Variants in EMC2 observed in about 807,000 individuals in gnomAD.
EMC2 encodes the protein ER membrane protein complex subunit 2.
In EMC2, 37 loss-of-function variants were observed where a neutral mutation model predicts 51.6. That is an observed-to-expected ratio of 0.72 (90% CI 0.55 to 0.94). EMC2 has a LOEUF of 0.94. Ranked by LOEUF, EMC2 falls within the 40% of genes least tolerant of loss-of-function variation. The pLI is 0.00. For synonymous variants in EMC2, 131 were observed against 112.4 expected (o/e 1.17, Z -1.04); for missense variants, 359 against 350.9 (o/e 1.02, Z -0.18).
chr8:108,481,136 T>C (rs1435059227), intron 10 of EMC2, among the ~76,000 whole-genome samples: 1 of 152,152 alleles, frequency 6.6e-6, no homozygotes, highest in Non-Finnish European at 1.5e-5. Context: ...ACCTAGTTTT[T>C]TTGAAAATGT....
chr8:108,450,412 C>T lies in EMC2; in HGVS notation c.155-16C>T. 1.3e-6 allele frequency: 2 copies of T among 1,533,906 alleles called. No homozygotes were observed. The highest frequency in any genetic ancestry group is 1.1e-5 in the South Asian group (1 of 88,316). On this transcript the variant is annotated splice_polypyrimidine_tract_variant and intron_variant, in intron 2 of 10. Coordinates refer to ENST00000220853, the MANE Select transcript of EMC2 (RefSeq NM_014673.5). ...AATATTAAATTCAGTTTTTTTCCCC[C>T]TTTATGTGTATCTAGTTTGGATCAT... is the stretch of plus-strand genomic sequence containing the variant.
chr8:108,445,788 G>T (rs574684265), intron 1 of EMC2, among the ~76,000 whole-genome samples: 4 of 152,308 alleles, frequency 2.6e-5, no homozygotes, highest in African/African-American at 7.2e-5. Flanking sequence ...ACACATGGGG[G>T]CGGAGCTCAG....
At chr8:108,447,432 A>C (rs1818904119) in intron 1 of EMC2, among the ~76,000 whole-genome samples, 1 of 152,198 alleles carries the variant, frequency 6.6e-6, no homozygotes, top group South Asian at 2.1e-4. Context: ...GGGACCATGA[A>C]TAATTTAAAA....
chr8:108,486,645 A>G lies in EMC2; in HGVS notation c.*47A>G. ...TTAGATTTCACAACTGCACAATTGAACTTATTGGCCTGTAACTTATTTACT... is the reference window on the plus strand; with the variant it reads ...TTAGATTTCACAACTGCACAATTGAGCTTATTGGCCTGTAACTTATTTACT... On this transcript the variant is annotated 3_prime_UTR_variant, in exon 11 of 11. Transcript: ENST00000220853. The G allele has an allele frequency of 6.5e-7, 1 of 1,540,890 alleles. No individual in the cohort carries two copies. The highest frequency in any genetic ancestry group is 8.8e-7 in the Non-Finnish European group (1 of 1,142,740).
chr8:108,470,271 G>T, intron 7 of EMC2, 150 bp downstream of exon 7: 1 of 603,628 alleles, frequency 1.7e-6, no homozygotes, highest in South Asian at 2.1e-5. Context: ...AAATGAAAAA[G>T]AACAAATCAG....
chr8:108,473,605 A>G (rs1336467428), intron 7 of EMC2, among the ~76,000 whole-genome samples: 1 of 152,058 alleles, frequency 6.6e-6, no homozygotes, highest in African/African-American at 2.4e-5. Flanking sequence ...AACAGTTAGT[A>G]TTATACATTA....
intron 5 of EMC2, among the ~76,000 whole-genome samples, chr8:108,467,655 C>T (rs1368447810): frequency 1.3e-5 from 2 of 152,202 alleles, no homozygotes; most frequent in Admixed American, 6.5e-5. Context: ...GATCTTCCCA[C>T]CTCAGCCTCC....
At chr8:108,452,069 A>G (rs938668370) in intron 3 of EMC2, among the ~76,000 whole-genome samples, 13 of 152,340 alleles carry the variant, frequency 8.5e-5, no homozygotes, top group Middle Eastern at 3.4e-3. Flanking sequence ...TCAGTGGACT[A>G]TTTGTATCAT....
intron 10 of EMC2, among the ~76,000 whole-genome samples, chr8:108,482,043 A>G (rs1458859996): frequency 6.6e-6 from 1 of 152,166 alleles, no homozygotes; most frequent in African/African-American, 2.4e-5. Context: ...TTGAGTGAAA[A>G]TATGGGTCAT....
At chr8:108,467,183 T>C (rs1810739098) in intron 5 of EMC2, among the ~76,000 whole-genome samples, 1 of 152,210 alleles carries the variant, frequency 6.6e-6, no homozygotes, top group South Asian at 2.1e-4. Flanking sequence ...TGTCCAGTAC[T>C]GTTTGGTATG....
At chr8:108,469,363 G>C (rs1295042248) in intron 5 of EMC2, among the ~76,000 whole-genome samples, 1 of 152,030 alleles carries the variant, frequency 6.6e-6, no homozygotes, top group Non-Finnish European at 1.5e-5. Flanking sequence ...AAGACTCATA[G>C]GTAGATTTTC....
At chr8:108,472,224 C>T (rs991462357) in intron 7 of EMC2, among the ~76,000 whole-genome samples, 1 of 151,608 alleles carries the variant, frequency 6.6e-6, no homozygotes. Context: ...GCATGTATTT[C>T]TAATATTTAT....
chr8:108,468,096 C>A (rs1039290445), intron 5 of EMC2, among the ~76,000 whole-genome samples: 2 of 152,082 alleles, frequency 1.3e-5, no homozygotes, highest in Non-Finnish European at 2.9e-5. Flanking sequence ...GAAGTAATGT[C>A]ATGAAAAATG....
rs558873381 is a variant in EMC2 at position 108,488,414 on chromosome 8, C to T, written c.*1816C>T. Among the ~76,000 whole-genome samples, 24 of 152,288 alleles carry T rather than the reference C, an allele frequency of 1.6e-4. No individual in the cohort carries two copies. The highest frequency in any genetic ancestry group is 4.1e-4 in the African/African-American group (17 of 41,572). ...GCCTCAAGTGATCTACCCGCCTCAG[C>T]CTCCCGAAATGCTGGGATTACAGGC... On this transcript the variant is annotated 3_prime_UTR_variant, in exon 11 of 11. Transcript: ENST00000220853.
intron 5 of EMC2, chr8:108,464,056 G>A (rs1157916406): frequency 6.6e-6 from 1 of 152,142 alleles, no homozygotes; most frequent in African/African-American, 2.4e-5. Flanking sequence ...TGTAGCAGGG[G>A]CCAGACTGTG....
chr8:108,467,918 T>C (rs1298852610), intron 5 of EMC2, among the ~76,000 whole-genome samples: 1 of 152,238 alleles, frequency 6.6e-6, no homozygotes, highest in Non-Finnish European at 1.5e-5. Context: ...ATAACATTTA[T>C]TTAATATTAT....
In EMC2 at chr8:108,443,689, A is replaced by G; in HGVS notation, c.31A>G (p.Thr11Ala). The G allele has an allele frequency of 6.2e-7, 1 of 1,610,090 alleles. No homozygotes were observed. Among genetic ancestry groups the G allele is most frequent in the African/African-American group, 1.3e-5 (1 of 74,972 alleles). MAKVSELYDV[T>A]WEEMRDKMRK... Reference sequence around the variant, plus strand: ...GAAGGTCTCAGAGCTTTACGATGTCACTTGGGAAGGTAACTTCGGGTGGGG... The same window carrying G: ...GAAGGTCTCAGAGCTTTACGATGTCGCTTGGGAAGGTAACTTCGGGTGGGG... Residue 11 changes from threonine to alanine, a missense_variant, in exon 1 of 11, where the codon ACT becomes GCT. Thr to Ala is a moderately conservative substitution (Grantham distance 58, BLOSUM62 0). Transcript: ENST00000220853.
rs1253282201 is a variant in EMC2, at chr8:108,454,382, AT to A, written c.305+1241del. Among the ~76,000 whole-genome samples the A allele has an allele frequency of 3.3e-5, 5 of 151,886 alleles. No individual in the cohort carries two copies. The East Asian group carries it at 5.8e-4, about 18-fold the overall frequency. The stretch of plus-strand genomic sequence containing the variant: ...GTGTATCAGTTATACTTCTTTTTAA[AT>A]TTTTTAAATAGCTGTCTGAGAGTTT... On this transcript the variant is annotated intron_variant, in intron 4 of 10. Transcript: ENST00000220853.
chr8:108,472,800 A>G (rs1362262716), intron 7 of EMC2, among the ~76,000 whole-genome samples: 1 of 152,078 alleles, frequency 6.6e-6, no homozygotes, highest in African/African-American at 2.4e-5. Flanking sequence ...TTAACATTCG[A>G]TATTCCTTTC....
Sources: gnomAD v4.1 joint callset for allele counts (sites outside exome capture counted in the v4.1 genomes callset) on GRCh38, gnomAD v4.1.1 for gene constraint, MANE v1.5 for transcripts, NCBI Gene and HGNC (gene_info 2026-07-23, HGNC 2026-07-21) for gene names.